PROX2: variants seen among roughly 807,000 people sequenced by gnomAD.
The protein encoded by PROX2 is prospero homeobox protein 2.
PROX2 carries 46 observed loss-of-function variants against 48.9 expected under a neutral mutation model. That is an observed-to-expected ratio of 0.94 (90% CI 0.74 to 1.20). PROX2 has a LOEUF of 1.20. Among genes scored for constraint, PROX2 ranks in the 50% most tolerant of loss-of-function variants. PROX2 has a pLI of 0.00. For missense variants in PROX2, 663 were observed against 719.4 expected (o/e 0.92, Z 0.90); for synonymous variants, 260 against 276.6 (o/e 0.94, Z 0.60).
chr14:74,869,374 G>A (rs1305555959), intron 2 of PROX2, among the ~76,000 whole-genome samples: 2 of 151,716 alleles, frequency 1.3e-5, no homozygotes, highest in Admixed American at 6.6e-5. Context: ...TGCCTCCCAC[G>A]TTCAAGCGAT....
chr14:74,871,769 TCAAA>T lies in PROX2; in HGVS notation c.-309-536_-309-533del, dbSNP rs560455596. On this transcript the variant is annotated intron_variant, in intron 1 of 5. Transcript: ENST00000556489. The stretch of plus-strand genomic sequence containing the variant: ...CTGGGCAACAGAGCAAGACCCTGTC[TCAAA>T]CAAACAAACAAACAAACAAGAACAT... 61 of 153,206 alleles carry T rather than the reference TCAAA, an allele frequency of 4.0e-4. No individual in the cohort carries two copies. In the East Asian group the frequency reaches 6.5e-3, roughly 16 times the overall value. 9.5% of individuals were successfully genotyped at this position (153,206 alleles called of 1,614,324 possible).
At chr14:74,868,341 AT>A (rs1384584115) in intron 2 of PROX2, among the ~76,000 whole-genome samples, 3 of 136,202 alleles carry the variant, frequency 2.2e-5, no homozygotes, top group African/African-American at 8.0e-5. Context: ...ATATATATAT[AT>A]ATATATATAT....
intron 2 of PROX2, among the ~76,000 whole-genome samples, chr14:74,869,632 C>T (rs987436468): frequency 6.6e-6 from 1 of 152,116 alleles, no homozygotes; most frequent in East Asian, 1.9e-4. Flanking sequence ...AGAATATATT[C>T]GTGTGTTACT....
In PROX2 at chr14:74,853,636, C is replaced by T. The variant is rs2091720744; in HGVS notation, c.*1496G>A. On this transcript the variant is annotated 3_prime_UTR_variant, in exon 6 of 6. Coordinates refer to ENST00000556489, the MANE Select transcript of PROX2 (RefSeq NM_001243007.2). ...GATTTTATCTCATCTGCTCCAGCAA[C>T]ACCCCACCAGAAAAATTATGGAAGT... 1 of 152,300 alleles carries T rather than the reference C, an allele frequency of 6.6e-6. No individual in the cohort carries two copies. The highest frequency in any genetic ancestry group is 1.5e-5 in the Non-Finnish European group (1 of 68,032). 9.4% of individuals were successfully genotyped at this position (152,300 alleles called of 1,614,324 possible).
At chr14:74,861,210 C>T (rs781027306) in intron 3 of PROX2, 1 of 1,353,004 alleles carries the variant, frequency 7.4e-7, no homozygotes, top group Admixed American at 1.9e-5. Context: ...ACTGTTCCCA[C>T]CTGGATATGC....
In PROX2 at chr14:74,856,972, C is replaced by G. The variant is rs375032981; in HGVS notation, c.1437G>C (p.Gln479His). 7 of 1,613,962 alleles carry G rather than the reference C, an allele frequency of 4.3e-6. No individual in the cohort carries two copies. The highest frequency in any genetic ancestry group is 5.9e-6 in the Non-Finnish European group (7 of 1,179,880). ...GAAAGTTGCTGAACCACTTGATCAT[C>G]TGGGAGGTAATGCAGCGGTTGAACT... ...DVQFNRCITS[Q>H]MIKWFSNFRE... Residue 479 changes from glutamine (Q) to histidine (H), a missense_variant, in exon 5 of 6, where the codon CAG becomes CAC. Transcript: ENST00000556489.
rs1379089429 is a variant in PROX2 at position 74,854,947 on chromosome 14, A to G, written c.*185T>C. On this transcript the variant is annotated 3_prime_UTR_variant, in exon 6 of 6. Coordinates refer to ENST00000556489, the MANE Select transcript of PROX2 (RefSeq NM_001243007.2). ...TACACCAATATAGTTAGTACATTTT[A>G]TAGTTAAATTTCTGATGATTCTGGA... 3 of 419,058 alleles carry G rather than the reference A, an allele frequency of 7.2e-6. No homozygotes were observed. Among genetic ancestry groups the G allele is most frequent in the Middle Eastern group, 6.0e-4 (1 of 1,666 alleles). 26.0% of individuals were successfully genotyped at this position (419,058 alleles called of 1,614,324 possible).
In PROX2 at chr14:74,863,897, C is replaced by G; in HGVS notation, c.-63G>C. 1 of 1,426,108 alleles carries G rather than the reference C, an allele frequency of 7.0e-7. No homozygotes were observed. Among genetic ancestry groups the G allele is most frequent in the Non-Finnish European group, 9.1e-7 (1 of 1,097,714 alleles). The allele number at this position is 1,426,108 out of a possible 1,614,324, so 88.3% of individuals were successfully genotyped here. A position where few individuals can be genotyped will look rare whatever the true frequency, so the allele number is the denominator to read the frequency against. On this transcript the variant is annotated 5_prime_UTR_variant, in exon 3 of 6. Coordinates refer to ENST00000556489, the MANE Select transcript of PROX2 (RefSeq NM_001243007.2). ...CTTATTTCCTCAGCTGGAAGTGCAC[C>G]CAGAATGCGCTGGGCTTCCTCCTCT...
chr14:74,870,263 C>A (rs1215973238), intron 2 of PROX2, among the ~76,000 whole-genome samples: 6 of 146,738 alleles, frequency 4.1e-5, no homozygotes, highest in Non-Finnish European at 3.0e-5. Context: ...CCTGTTTCTC[C>A]AAAAAAAAAA....
chr14:74,873,831 A>G (rs1325699976), intron 1 of PROX2: 5 of 453,954 alleles, frequency 1.1e-5, no homozygotes, highest in Admixed American at 2.4e-5. Context: ...TTATGATGAC[A>G]TTGAAAGTGA....
At position 74,862,756 on chromosome 14, in the gene PROX2, C is replaced by A; in HGVS notation, c.1079G>T (p.Ser360Ile). 3 of 1,613,956 alleles carry A rather than the reference C, an allele frequency of 1.9e-6. No homozygotes were observed. Residue 360 changes from serine (S) to isoleucine (I), a missense_variant, in exon 3 of 6, where the codon AGT (serine) becomes ATT (isoleucine). Physicochemically the swap from Ser to Ile is moderately radical, Grantham distance 142 (BLOSUM62 -2). Coordinates refer to ENST00000556489, the MANE Select transcript of PROX2 (RefSeq NM_001243007.2). ...AGATGAGTCCTGGGGAGGACTGCTA[C>A]TCCAATGGCCATTGTTGTATCTATG... ...LGHRYNNGHW[S>I]SSPPQDSSSQ...
chr14:74,865,700 G>A (rs11628769), intron 2 of PROX2, among the ~76,000 whole-genome samples: 54,224 of 151,428 alleles, frequency 0.36, 9,985 homozygotes, highest in African/African-American at 0.42. Context: ...GCGTGGTGGC[G>A]GGCGCCTATA....
At chr14:74,859,873 C>A (rs1339044087) in intron 3 of PROX2, among the ~76,000 whole-genome samples, 2 of 152,202 alleles carry the variant, frequency 1.3e-5, no homozygotes, top group East Asian at 3.8e-4. Flanking sequence ...TGGAGAGAAT[C>A]CTGGATTGGG....
chr14:74,856,714 G>A, intron 5 of PROX2, 87 bp downstream of exon 5: 1 of 1,195,060 alleles, frequency 8.4e-7, no homozygotes, highest in Non-Finnish European at 1.2e-6. Flanking sequence ...AACTTAAGGA[G>A]ACACAGAAGA....
rs191056301 is a variant in PROX2 at position 74,867,941 on chromosome 14, T to C, written c.-175+3162A>G. Among the ~76,000 whole-genome samples, 60 of 152,272 alleles carry C rather than the reference T, an allele frequency of 3.9e-4. 1 individual carries two copies. Among genetic ancestry groups the C allele is most frequent in the Admixed American group, 6.5e-4 (10 of 15,294 alleles). ...AGAGATGTTTACGCCCATGCAATCA[T>C]GGAAACTCTGCCTCTGGGCTGCTGA... is the stretch of plus-strand genomic sequence containing the variant. On this transcript the variant is annotated intron_variant, in intron 2 of 5. Transcript: ENST00000556489.
At position 74,864,768 on chromosome 14, in the gene PROX2, C is replaced by T. The variant is rs376270455; in HGVS notation, c.-174-760G>A. On this transcript the variant is annotated intron_variant, in intron 2 of 5. Coordinates refer to ENST00000556489, the MANE Select transcript of PROX2 (RefSeq NM_001243007.2). Reference sequence around the variant, plus strand: ...GAGGCAGGAAAATCACTTGATCCTGCGAGGTGGAGGTTGCCATGAGCCAAG... The same window carrying T: ...GAGGCAGGAAAATCACTTGATCCTGTGAGGTGGAGGTTGCCATGAGCCAAG... Among the ~76,000 whole-genome samples the T allele has an allele frequency of 1.9e-3, 286 of 151,042 alleles. 6 individuals are homozygous for T. The South Asian group carries it at 0.027, about 14-fold the overall frequency.
chr14:74,863,448 G>C lies in PROX2; in HGVS notation c.387C>G (p.Gly129=), dbSNP rs1424408608. The C allele has an allele frequency of 1.2e-6, 2 of 1,613,304 alleles. No individual in the cohort carries two copies. Among genetic ancestry groups the C allele is most frequent in the African/African-American group, 2.7e-5 (2 of 74,928 alleles). The stretch of plus-strand genomic sequence containing the variant: ...GATGAAGTTGTTCTCTCACACGAGG[G>C]CCCCCCTTCCTGTTGCCCTGGTCCC... The part of the protein sequence containing the change: ...PAWDQGNRKG[G]PRVREQLHLL... Residue 129 remains glycine, a synonymous_variant, in exon 3 of 6, where the codon GGC becomes GGG. Coordinates refer to ENST00000556489, the MANE Select transcript of PROX2 (RefSeq NM_001243007.2).
chr14:74,870,441 TACACACACACACAC>T (rs10525556), intron 2 of PROX2, among the ~76,000 whole-genome samples: 1 of 110,930 alleles, frequency 9.0e-6, no homozygotes, highest in Non-Finnish European at 1.7e-5. Context: ...AAAAAAAAAA[TACACACACACACAC>T]ACACACACAC....
chr14:74,866,763 G>C (rs1056803365), intron 2 of PROX2, among the ~76,000 whole-genome samples: 1 of 152,218 alleles, frequency 6.6e-6, no homozygotes, highest in Non-Finnish European at 1.5e-5. Context: ...GTTTTGTAAA[G>C]AGGACAGAAA....
Sources: allele counts gnomAD v4.1 joint callset (sites outside exome capture counted in the v4.1 genomes callset), GRCh38; gene constraint gnomAD v4.1.1; transcripts MANE v1.5; gene names NCBI Gene and HGNC (gene_info 2026-07-23, HGNC 2026-07-21).